SPON1: variants seen among roughly 807,000 people sequenced by gnomAD.
The protein encoded by SPON1 is spondin 1, also known as spondin-1.
Under a neutral mutation model 111.7 loss-of-function variants are expected in SPON1, and 52 were observed. The ratio of observed to expected loss-of-function variants is 0.47; its 90% CI spans 0.37 to 0.59. The LOEUF (loss-of-function observed/expected upper bound fraction) is 0.59, where lower values mean the gene tolerates loss of function less well. SPON1 is among the 20% of genes least tolerant of loss of function. The probability of loss-of-function intolerance (pLI) is 0.00; values close to 1 mark genes in which losing one functional copy is unlikely to be tolerated. For missense variants in SPON1, 957 were observed against 1,068.5 expected (o/e 0.90, Z 1.46); for synonymous variants, 410 against 395.8 (o/e 1.04, Z -0.43).
chr11:14,090,778 G>T (rs1159057031), intron 5 of SPON1, among the ~76,000 whole-genome samples: 1 of 147,320 alleles, frequency 6.8e-6, no homozygotes, highest in African/African-American at 2.6e-5. Context: ...AAGGGGACCC[G>T]GTTGCCACTG....
intron 3 of SPON1, among the ~76,000 whole-genome samples, chr11:14,049,751 A>G (rs113191901): frequency 1.3e-5 from 2 of 152,132 alleles, no homozygotes; most frequent in African/African-American, 2.4e-5. Context: ...CTAAAATCCA[A>G]AAGATTTTTC....
chr11:14,061,829 C>T (rs1288377811), intron 3 of SPON1, among the ~76,000 whole-genome samples: 2 of 152,214 alleles, frequency 1.3e-5, no homozygotes, highest in Non-Finnish European at 2.9e-5. Flanking sequence ...GATAGACAGA[C>T]AGCATCAAAT....
intron 6 of SPON1, among the ~76,000 whole-genome samples, chr11:14,169,141 C>T (rs1554932146): frequency 1.7e-4 from 26 of 152,226 alleles, no homozygotes. Flanking sequence ...GTTCCTATTT[C>T]TCCACGTCCT....
chr11:14,123,293 A>AT (rs1847415242), intron 5 of SPON1, among the ~76,000 whole-genome samples: 1 of 152,048 alleles, frequency 6.6e-6, no homozygotes, highest in Non-Finnish European at 1.5e-5. Context: ...GAGTGTCTGG[A>AT]TTTTTTATCT....
At chr11:14,224,044 GTTGAAGACTAT>G (rs1488976317) in intron 6 of SPON1, among the ~76,000 whole-genome samples, 3 of 152,176 alleles carry the variant, frequency 2.0e-5, no homozygotes, top group Non-Finnish European at 4.4e-5. Context: ...ATTTTGATCA[GTTGAAGACTAT>G]TTGAAGACTC....
intron 7 of SPON1, among the ~76,000 whole-genome samples, chr11:14,249,522 TTGGGCGCCCTCTCG>T (rs1395453229): frequency 6.6e-6 from 1 of 152,194 alleles, no homozygotes; most frequent in East Asian, 1.9e-4. Flanking sequence ...AGTGAATGGC[TTGGGCGCCCTCTCG>T]TGGCCAAATT....
intron 2 of SPON1, among the ~76,000 whole-genome samples, chr11:14,007,600 C>T (rs1216862869): frequency 2.6e-5 from 4 of 152,278 alleles, no homozygotes; most frequent in South Asian, 2.1e-4. Flanking sequence ...AATCTCCTTT[C>T]GCAACACCCT....
intron 6 of SPON1, among the ~76,000 whole-genome samples, chr11:14,183,437 A>G (rs146352501): frequency 7.2e-5 from 11 of 152,370 alleles, no homozygotes; most frequent in African/African-American, 1.4e-4. Flanking sequence ...AAGTATTGCT[A>G]GCAGACACAA....
intron 6 of SPON1, among the ~76,000 whole-genome samples, chr11:14,158,729 G>T (rs1490028224): frequency 6.6e-6 from 1 of 152,108 alleles, no homozygotes; most frequent in African/African-American, 2.4e-5. Flanking sequence ...ACTTTGTTTT[G>T]TTTTATTCAT....
intron 6 of SPON1, among the ~76,000 whole-genome samples, chr11:14,160,465 A>T (rs1263194999): frequency 8.1e-5 from 2 of 24,702 alleles, no homozygotes; most frequent in African/African-American, 3.6e-4. Context: ...TTATATATAT[A>T]TATTTATATA....
At chr11:14,030,221 G>C (rs1318457506) in intron 2 of SPON1, among the ~76,000 whole-genome samples, 1 of 152,208 alleles carries the variant, frequency 6.6e-6, no homozygotes, top group Non-Finnish European at 1.5e-5. Context: ...CAAATATTTA[G>C]AGAATATCGT....
intron 5 of SPON1, among the ~76,000 whole-genome samples, chr11:14,103,380 T>G (rs782351580): frequency 8.5e-5 from 13 of 152,166 alleles, no homozygotes; most frequent in Admixed American, 2.6e-4. Context: ...GCCCTGAGAT[T>G]ATTCTGGCTG....
chr11:13,995,494 G>A (rs1367897829), intron 2 of SPON1, among the ~76,000 whole-genome samples: 1 of 152,080 alleles, frequency 6.6e-6, no homozygotes, highest in Non-Finnish European at 1.5e-5. Flanking sequence ...ACAACAAAGT[G>A]CCACACTTTA....
intron 5 of SPON1, among the ~76,000 whole-genome samples, chr11:14,092,606 G>A (rs1288527169): frequency 1.3e-5 from 2 of 152,158 alleles, no homozygotes; most frequent in Non-Finnish European, 2.9e-5. Context: ...GGAGCACAGT[G>A]TTCTCTCTAG....
At chr11:14,065,041 A>T (rs1848821400) in intron 3 of SPON1, among the ~76,000 whole-genome samples, 1 of 152,150 alleles carries the variant, frequency 6.6e-6, no homozygotes, top group Non-Finnish European at 1.5e-5. Context: ...ATCATGGTCT[A>T]TGAGGTCCTA....
At chr11:14,167,191 T>C (rs1372405350) in intron 6 of SPON1, among the ~76,000 whole-genome samples, 2 of 152,142 alleles carry the variant, frequency 1.3e-5, no homozygotes, top group East Asian at 1.9e-4. Flanking sequence ...TGTATAATTT[T>C]TGTACCAAAT....
intron 1 of SPON1, among the ~76,000 whole-genome samples, chr11:13,979,566 G>C (rs1554909365): frequency 6.6e-6 from 1 of 152,122 alleles, no homozygotes. Flanking sequence ...TCCCAGGCAT[G>C]GTCCCTTCAG....
rs568962601 is a variant in SPON1 at position 14,032,138 on chromosome 11, A to G, written c.346-9383A>G. The stretch of plus-strand genomic sequence containing the variant: ...GGATTGTACATTAAATGGAAAAGAA[A>G]TATGTTCGTGATATGGTGTGAAATG... On this transcript the variant is annotated intron_variant, in intron 2 of 15. Transcript: ENST00000576479. Among the ~76,000 whole-genome samples, 11 of 152,322 alleles carry G rather than the reference A, an allele frequency of 7.2e-5. No homozygotes were observed. In the South Asian group the frequency reaches 2.1e-3, roughly 29 times the overall value.
intron 5 of SPON1, among the ~76,000 whole-genome samples, chr11:14,097,766 T>A (rs1554924020): frequency 6.6e-6 from 1 of 152,084 alleles, no homozygotes; most frequent in African/African-American, 2.4e-5. Context: ...GGCAACAGAG[T>A]GAGACCTCAT....
Sources: allele counts gnomAD v4.1 joint callset (sites outside exome capture counted in the v4.1 genomes callset), GRCh38; gene constraint gnomAD v4.1.1; transcripts MANE v1.5; gene names NCBI Gene and HGNC (gene_info 2026-07-23, HGNC 2026-07-21).